SLC39A11: variants seen among roughly 807,000 people sequenced by gnomAD.
The protein encoded by SLC39A11 is solute carrier family 39 member 11, also known as zinc transporter ZIP11.
In SLC39A11, 33 loss-of-function variants were observed where a neutral mutation model predicts 36.1. The observed-to-expected ratio is 0.91, with a 90% CI of 0.69 to 1.22. SLC39A11 has a LOEUF of 1.22. Among genes scored for constraint, SLC39A11 ranks in the 50% most tolerant of loss-of-function variants. The pLI, the probability that SLC39A11 is intolerant of heterozygous loss-of-function variation, is 0.00. For synonymous variants in SLC39A11, 166 were observed against 170.3 expected, an observed-to-expected ratio of 0.97 and a Z score of 0.20; for missense variants, 432 against 430.3, an observed-to-expected ratio of 1.00 and a Z score of -0.03.
chr17:72,698,893 T>G (rs1012365177), intron 7 of SLC39A11, among the ~76,000 whole-genome samples: 2 of 152,088 alleles, frequency 1.3e-5, no homozygotes, highest in African/African-American at 2.4e-5. Flanking sequence ...TGCAGTGGCG[T>G]GATCTCGGCT....
At chr17:72,815,925 A>C (rs1051626100) in intron 6 of SLC39A11, among the ~76,000 whole-genome samples, 1 of 152,226 alleles carries the variant, frequency 6.6e-6, no homozygotes, top group East Asian at 1.9e-4. Flanking sequence ...TGTCTCAAAA[A>C]GTCTGATGTC....
rs2069545800 is a variant in SLC39A11, at chr17:72,646,005, GA to G, written c.*1578del. The G allele has an allele frequency of 6.6e-6, 1 of 152,610 alleles. No individual in the cohort carries two copies. The highest frequency in any genetic ancestry group is 1.5e-5 in the Non-Finnish European group (1 of 68,038). The allele number at this position is 152,610 out of a possible 1,614,324, so 9.5% of individuals were successfully genotyped here. On this transcript the variant is annotated 3_prime_UTR_variant, in exon 10 of 10. Transcript: ENST00000255559. The stretch of plus-strand genomic sequence containing the variant: ...CACAGTTATGAGGTCTTGTCCATCA[GA>G]AAGCACAATTTGCATTATGTAGAAC...
chr17:72,838,948 C>T (rs1348608640), intron 6 of SLC39A11: 1 of 152,220 alleles, frequency 6.6e-6, no homozygotes, highest in South Asian at 2.1e-4. Context: ...GCCATCCCCA[C>T]TGCACATGTA....
chr17:73,014,976 T>C (rs2090728814), intron 4 of SLC39A11, among the ~76,000 whole-genome samples: 1 of 152,206 alleles, frequency 6.6e-6, no homozygotes, highest in African/African-American at 2.4e-5. Context: ...TCAACTCAGG[T>C]ACCTCACTGT....
intron 4 of SLC39A11, among the ~76,000 whole-genome samples, chr17:72,985,473 C>T (rs7210375): frequency 0.043 from 5,586 of 129,512 alleles, 400 homozygotes; most frequent in African/African-American, 0.15. Context: ...AGTGCAGGGG[C>T]GCCATCTCGG....
intron 3 of SLC39A11, among the ~76,000 whole-genome samples, chr17:73,036,415 G>A (rs550246650): frequency 4.2e-4 from 64 of 150,972 alleles, no homozygotes; most frequent in African/African-American, 1.5e-3. Context: ...TAACACCGAA[G>A]GGCCATCGTT....
At chr17:72,715,976 C>T (rs190203441) in intron 7 of SLC39A11, among the ~76,000 whole-genome samples, 20 of 152,206 alleles carry the variant, frequency 1.3e-4, no homozygotes, top group East Asian at 5.8e-4. Context: ...GGATTACAGA[C>T]GTGAGCCACC....
At chr17:73,088,490 G>A (rs1375391613) in intron 2 of SLC39A11, among the ~76,000 whole-genome samples, 167 bp downstream of exon 2, 1 of 152,036 alleles carries the variant, frequency 6.6e-6, no homozygotes, top group Admixed American at 6.6e-5. Context: ...GGCCTGGCAG[G>A]GAGAAGGTGA....
At chr17:73,057,783 G>A (rs1038132087) in intron 3 of SLC39A11, among the ~76,000 whole-genome samples, 25 of 152,130 alleles carry the variant, frequency 1.6e-4, no homozygotes, top group South Asian at 8.3e-4. Context: ...ACAAAAATAC[G>A]AAAATTAGCC....
intron 7 of SLC39A11, among the ~76,000 whole-genome samples, chr17:72,683,804 G>C (rs186237918): frequency 1.3e-4 from 19 of 151,968 alleles, no homozygotes; most frequent in Non-Finnish European, 1.5e-5. Flanking sequence ...CAGGTCCCCC[G>C]AGAGAGCTGG....
In SLC39A11 at chr17:72,933,665, G is replaced by A. The variant is rs191311189; in HGVS notation, c.430+14087C>T. The stretch of plus-strand genomic sequence containing the variant: ...CTCCTAAGTAGCTGGGATTACAGGC[G>A]CGCACCACCAAACCCAGCTAAGTTT... On this transcript the variant is annotated intron_variant, in intron 5 of 9. Coordinates refer to ENST00000255559, the MANE Select transcript of SLC39A11 (RefSeq NM_139177.4). Among the ~76,000 whole-genome samples the A allele has an allele frequency of 2.2e-4, 34 of 152,184 alleles. No individual in the cohort carries two copies. In the East Asian group the frequency reaches 4.4e-3, roughly 20 times the overall value.
At chr17:72,968,195 G>A (rs548102823) in intron 4 of SLC39A11, among the ~76,000 whole-genome samples, 25 of 152,274 alleles carry the variant, frequency 1.6e-4, no homozygotes, top group African/African-American at 5.1e-4. Context: ...TGAGCTAAGC[G>A]GGAAAGCAGG....
At chr17:72,852,191 C>A (rs1251251536) in intron 5 of SLC39A11, among the ~76,000 whole-genome samples, 1 of 38,360 alleles carries the variant, frequency 2.6e-5, no homozygotes, top group African/African-American at 6.1e-5. Flanking sequence ...GGCAACAGAG[C>A]AAGACTCCGT....
intron 3 of SLC39A11, among the ~76,000 whole-genome samples, chr17:73,047,267 G>A (rs964113801): frequency 2.6e-5 from 4 of 151,768 alleles, no homozygotes; most frequent in African/African-American, 2.4e-5. Context: ...CTCGTGATCC[G>A]CCCGCCTCGG....
intron 4 of SLC39A11, among the ~76,000 whole-genome samples, chr17:72,976,363 C>A (rs542073850): frequency 1.8e-4 from 27 of 152,136 alleles, no homozygotes; most frequent in African/African-American, 6.5e-4. Context: ...AATAAATGAA[C>A]AAAAGGATAA....
At chr17:72,988,078 C>T (rs1195085281) in intron 4 of SLC39A11, among the ~76,000 whole-genome samples, 1 of 152,156 alleles carries the variant, frequency 6.6e-6, no homozygotes, top group Non-Finnish European at 1.5e-5. Flanking sequence ...GAAATAAGCA[C>T]ATCATGGAGA....
intron 6 of SLC39A11, among the ~76,000 whole-genome samples, chr17:72,849,228 A>T (rs73998428): frequency 0.032 from 4,863 of 152,204 alleles, 89 homozygotes; most frequent in Middle Eastern, 0.075. Flanking sequence ...AGAAAATCTG[A>T]GTGTAAGTGA....
chr17:72,780,900 T>C (rs1410969390), intron 6 of SLC39A11, among the ~76,000 whole-genome samples: 1 of 152,100 alleles, frequency 6.6e-6, no homozygotes, highest in Non-Finnish European at 1.5e-5. Flanking sequence ...AGCAGGAGAA[T>C]TGCTTGAACC....
At chr17:72,755,461 A>G (rs1303911130) in intron 6 of SLC39A11, among the ~76,000 whole-genome samples, 2 of 152,226 alleles carry the variant, frequency 1.3e-5, no homozygotes, top group African/African-American at 4.8e-5. Flanking sequence ...AGTTGGGAGG[A>G]TGACCATGGG....
Sources: gnomAD v4.1 joint callset for allele counts (sites outside exome capture counted in the v4.1 genomes callset) on GRCh38, gnomAD v4.1.1 for gene constraint, MANE v1.5 for transcripts, NCBI Gene and HGNC (gene_info 2026-07-23, HGNC 2026-07-21) for gene names.